The following DNAJC1 variants were observed in gnomAD, a reference collection of about 807,000 sequenced individuals.
DNAJC1 encodes the protein dnaJ homolog subfamily C member 1.
A neutral mutation model predicts 76.6 loss-of-function variants in DNAJC1; 58 were observed. The observed-to-expected ratio is 0.76, with a 90% CI of 0.61 to 0.94. The LOEUF is 0.94. DNAJC1 is among the 40% of genes least tolerant of loss of function. The pLI, the probability that DNAJC1 is intolerant of heterozygous loss-of-function variation, is 0.00. For synonymous variants in DNAJC1, 258 were observed against 267.9 expected (o/e 0.96, Z 0.36); for missense variants, 689 against 677.3 (o/e 1.02, Z -0.19).
At position 21,783,459 on chromosome 10, in the gene DNAJC1, G is replaced by C. The variant is rs188515700; in HGVS notation, c.1099-17150C>G. Among the ~76,000 whole-genome samples the C allele has an allele frequency of 7.9e-4, 120 of 152,244 alleles. 2 individuals carry two copies. The East Asian group carries it at 0.018, about 23-fold the overall frequency. ...CATGGATAGGAAGAATCAATATCGTGACAATGGCCATACTACCCAAGGTAA... is the reference window on the plus strand; with the variant it reads ...CATGGATAGGAAGAATCAATATCGTCACAATGGCCATACTACCCAAGGTAA... On this transcript the variant is annotated intron_variant, in intron 9 of 11. Coordinates refer to ENST00000376980, the MANE Select transcript of DNAJC1 (RefSeq NM_022365.4).
chr10:21,777,958 C>T (rs1418368324), intron 9 of DNAJC1, among the ~76,000 whole-genome samples: 5 of 152,170 alleles, frequency 3.3e-5, no homozygotes, highest in South Asian at 4.1e-4. Flanking sequence ...GAGTCCAAGG[C>T]GGGTGGATCA....
rs1294972939 is a variant in DNAJC1 at position 21,842,295 on chromosome 10, A to G, written c.979-36196T>C. ...CATGTGAGAGAAGCAAATAGGATGA[A>G]CTGACAGGATAATAGCGAAGAAAGT... On this transcript the variant is annotated intron_variant, in intron 8 of 11. Coordinates refer to ENST00000376980, the MANE Select transcript of DNAJC1 (RefSeq NM_022365.4). Among the ~76,000 whole-genome samples the G allele has an allele frequency of 3.3e-5, 5 of 151,728 alleles. No homozygotes were observed. In the East Asian group the frequency reaches 9.6e-4, roughly 29 times the overall value.
intron 8 of DNAJC1, among the ~76,000 whole-genome samples, chr10:21,825,392 C>T (rs1401844583): frequency 5.3e-5 from 8 of 152,126 alleles, no homozygotes; most frequent in African/African-American, 9.7e-5. Flanking sequence ...AAATGAATAA[C>T]GTTCCGTTGT....
rs866694579 is a variant in DNAJC1, at chr10:21,795,003, G to A, written c.1098+10977C>T. On this transcript the variant is annotated intron_variant, in intron 9 of 11. Transcript: ENST00000376980. ...ATGTTCCAATAAGTATTTCCTTTGAGTGTCATCTTGGTGGTCAAAAAGTTT... is the reference window on the plus strand; with the variant it reads ...ATGTTCCAATAAGTATTTCCTTTGAATGTCATCTTGGTGGTCAAAAAGTTT... 6.6e-5 allele frequency among the ~76,000 whole-genome samples: 10 copies of A among 152,118 alleles called. No individual in the cohort carries two copies. In the South Asian group the frequency reaches 2.1e-3, roughly 32 times the overall value.
chr10:21,856,639 T>C (rs1410109272), intron 8 of DNAJC1, among the ~76,000 whole-genome samples: 3 of 152,168 alleles, frequency 2.0e-5, no homozygotes, highest in Non-Finnish European at 4.4e-5. Context: ...CATGGTATAT[T>C]CTAGAATTTT....
chr10:21,821,608 C>T (rs1835160722), intron 8 of DNAJC1, among the ~76,000 whole-genome samples: 3 of 152,214 alleles, frequency 2.0e-5, no homozygotes, highest in African/African-American at 7.2e-5. Context: ...TATTAATAGA[C>T]ATGTATTACT....
intron 1 of DNAJC1, among the ~76,000 whole-genome samples, chr10:21,984,278 T>C (rs973238107): frequency 2.6e-5 from 4 of 152,154 alleles, no homozygotes; most frequent in South Asian, 2.1e-4. Context: ...TAAAAAATGA[T>C]AGAAGTCTAT....
chr10:21,850,825 A>T (rs1258507440), intron 8 of DNAJC1, among the ~76,000 whole-genome samples: 1 of 152,210 alleles, frequency 6.6e-6, no homozygotes, highest in Non-Finnish European at 1.5e-5. Flanking sequence ...GAAGACAGAC[A>T]CATAGAACAA....
At chr10:21,990,662 A>G (rs1838313976) in intron 1 of DNAJC1, among the ~76,000 whole-genome samples, 1 of 152,062 alleles carries the variant, frequency 6.6e-6, no homozygotes. Flanking sequence ...TACAGAAGAG[A>G]CTCCTATATA....
At chr10:21,953,627 G>C (rs1228521880) in intron 1 of DNAJC1, among the ~76,000 whole-genome samples, 2 of 151,418 alleles carry the variant, frequency 1.3e-5, no homozygotes, top group Admixed American at 1.3e-4. Context: ...GCTCCATCTA[G>C]AGGCTTTTCC....
intron 8 of DNAJC1, among the ~76,000 whole-genome samples, chr10:21,877,222 C>T (rs763019561): frequency 6.6e-6 from 1 of 151,800 alleles, no homozygotes; most frequent in Non-Finnish European, 1.5e-5. Context: ...TGCAGGGAGC[C>T]GTGATTGCAT....
intron 10 of DNAJC1, among the ~76,000 whole-genome samples, chr10:21,764,863 C>T (rs1352024280): frequency 6.6e-6 from 1 of 152,222 alleles, no homozygotes; most frequent in Non-Finnish European, 1.5e-5. Context: ...CTCTTTTCCT[C>T]TCTGTCCTGA....
rs1838563030 is a variant in DNAJC1 at position 22,003,530 on chromosome 10, A to T, written c.-96T>A. ...CTGGCTGTGGGGAACAGCGCCTGTC[A>T]GTGAAAAGCGCGGGCAGGCGCACCG... On this transcript the variant is annotated 5_prime_UTR_variant, in exon 1 of 12. Coordinates refer to ENST00000376980, the MANE Select transcript of DNAJC1 (RefSeq NM_022365.4). 4.0e-6 allele frequency: 5 copies of T among 1,253,540 alleles called. No homozygotes were observed. The highest frequency in any genetic ancestry group is 5.0e-6 in the Non-Finnish European group (5 of 997,974). 77.7% of individuals were successfully genotyped at this position (1,253,540 alleles called of 1,614,324 possible).
chr10:21,990,081 G>C lies in DNAJC1; in HGVS notation c.222+13132C>G, dbSNP rs571286674. On this transcript the variant is annotated intron_variant, in intron 1 of 11. Coordinates refer to ENST00000376980, the MANE Select transcript of DNAJC1 (RefSeq NM_022365.4). ...ACACAAACTGCACAACTATACACGGGGTGCTGCTTCAAGAGTCTATAGCAA... is the reference window on the plus strand; with the variant it reads ...ACACAAACTGCACAACTATACACGGCGTGCTGCTTCAAGAGTCTATAGCAA... Among the ~76,000 whole-genome samples the C allele has an allele frequency of 7.2e-5, 11 of 152,184 alleles. No individual in the cohort carries two copies. The East Asian group carries it at 1.7e-3, about 24-fold the overall frequency.
intron 8 of DNAJC1, among the ~76,000 whole-genome samples, chr10:21,809,119 C>T (rs1834925541): frequency 1.3e-5 from 2 of 151,962 alleles, no homozygotes; most frequent in Non-Finnish European, 2.9e-5. Flanking sequence ...TCTGAAAATC[C>T]TCTATATTCT....
chr10:21,923,921 A>C (rs1451514185), intron 3 of DNAJC1, among the ~76,000 whole-genome samples: 1 of 152,038 alleles, frequency 6.6e-6, no homozygotes, highest in Non-Finnish European at 1.5e-5. Flanking sequence ...TAATTATGAA[A>C]CTAAAATTAA....
intron 9 of DNAJC1, among the ~76,000 whole-genome samples, chr10:21,795,125 A>G (rs1003414019): frequency 1.1e-4 from 16 of 152,194 alleles, no homozygotes; most frequent in African/African-American, 3.6e-4. Context: ...CCAAATTAAA[A>G]TATGGGCAAA....
rs758283317 is a variant in DNAJC1 at position 21,941,596 on chromosome 10, A to G, written c.223-12455T>C. On this transcript the variant is annotated intron_variant, in intron 1 of 11. Coordinates refer to ENST00000376980, the MANE Select transcript of DNAJC1 (RefSeq NM_022365.4). ...AATGATAATTATTAAATGAGTGATG[A>G]TTAATATAGGAATTCATTAAACTAT... Among the ~76,000 whole-genome samples, 226 of 152,328 alleles carry G rather than the reference A, an allele frequency of 1.5e-3. 1 individual carries two copies. In the Middle Eastern group the frequency reaches 0.024, roughly 16 times the overall value.
intron 9 of DNAJC1, among the ~76,000 whole-genome samples, chr10:21,789,087 A>G (rs989700345): frequency 6.6e-6 from 1 of 152,166 alleles, no homozygotes; most frequent in South Asian, 2.1e-4. Flanking sequence ...AGCTGCTTGT[A>G]GGCCATGCCA....
Sources: gnomAD v4.1 joint callset for allele counts (sites outside exome capture counted in the v4.1 genomes callset) on GRCh38, gnomAD v4.1.1 for gene constraint, MANE v1.5 for transcripts, NCBI Gene and HGNC (gene_info 2026-07-23, HGNC 2026-07-21) for gene names.